ASPSCR1: variants seen among roughly 807,000 people sequenced by gnomAD.
ASPSCR1 encodes ASPSCR1 tether for SLC2A4, UBX domain containing.
In ASPSCR1, 55 loss-of-function variants were observed where a neutral mutation model predicts 68.9. The observed-to-expected ratio is 0.80, with a 90% CI of 0.64 to 1.00. The LOEUF is 1.00. Ranked by LOEUF, ASPSCR1 falls within the 50% of genes least tolerant of loss-of-function variation. The pLI, the probability that ASPSCR1 is intolerant of heterozygous loss-of-function variation, is 0.00. For synonymous variants in ASPSCR1, 352 were observed against 332.6 expected, an observed-to-expected ratio of 1.06 and a Z score of -0.63; for missense variants, 765 against 762.2, an observed-to-expected ratio of 1.00 and a Z score of -0.04.
chr17:81,979,532 G>A (rs1330101275), intron 2 of ASPSCR1, among the ~76,000 whole-genome samples: 3 of 152,134 alleles, frequency 2.0e-5, no homozygotes, highest in Non-Finnish European at 4.4e-5. Flanking sequence ...TGTGTCTCAG[G>A]AAGACCCTTG....
Position 81,987,024 on chromosome 17 carries a change from G to C in ASPSCR1, c.374+1417G>C, listed in dbSNP as rs972332862. 5.9e-5 allele frequency among the ~76,000 whole-genome samples: 9 copies of C among 152,180 alleles called. No individual in the cohort carries two copies. The highest frequency in any genetic ancestry group is 2.2e-4 in the African/African-American group (9 of 41,520). ...CAGACAACAGTGACGGAGCCTAAGA[G>C]CAAAGCCAAAGCCACGGGCAGGGGT... is the stretch of plus-strand genomic sequence containing the variant. On this transcript the variant is annotated intron_variant, in intron 4 of 15. Transcript: ENST00000306739. The surrounding 1 kb of genome is among the most constrained non-coding windows in gnomAD (Gnocchi z 5.6).
Position 81,983,459 on chromosome 17 carries a change from CGGGGCGTGGATGGT to C in ASPSCR1, c.159-91_159-78del, listed in dbSNP as rs1443178637. 2.2e-6 allele frequency: 2 copies of C among 912,992 alleles called. No homozygotes were observed. Among genetic ancestry groups the C allele is most frequent in the Non-Finnish European group, 3.2e-6 (2 of 629,470 alleles). 56.6% of individuals were successfully genotyped at this position (912,992 alleles called of 1,614,324 possible). On this transcript the variant is annotated intron_variant, in intron 2 of 15. Coordinates refer to ENST00000306739, the MANE Select transcript of ASPSCR1 (RefSeq NM_024083.4). The surrounding 1 kb of genome is among the most constrained non-coding windows in gnomAD (Gnocchi z 4.4). ...GACGTGGATGGCGGGGCGTGGATGG[CGGGGCGTGGATGGT>C]GGGACGGGGATGGCGGGGCGTGGAT...
Position 81,986,145 on chromosome 17 carries a change from G to A in ASPSCR1, c.374+538G>A, listed in dbSNP as rs970797117. ...AGTAATTGGATGGCTGGGCACAGTG[G>A]CTGGGCACAGTGGCTGGGCAAAGTG... On this transcript the variant is annotated intron_variant, in intron 4 of 15. Transcript: ENST00000306739. This position sits in a 1 kb window ranked among gnomAD's most constrained non-coding sequence, Gnocchi z 5.2. 2.6e-5 allele frequency among the ~76,000 whole-genome samples: 4 copies of A among 152,182 alleles called. No homozygotes were observed. The highest frequency in any genetic ancestry group is 5.9e-5 in the Non-Finnish European group (4 of 68,032).
At chr17:81,997,781 G>A (rs1170192706) in intron 7 of ASPSCR1, among the ~76,000 whole-genome samples, 3 of 150,752 alleles carry the variant, frequency 2.0e-5, no homozygotes, top group Non-Finnish European at 4.4e-5. Context: ...GAGCCACCGC[G>A]CCCAGCTCTT....
chr17:82,016,706 C>A lies in ASPSCR1; in HGVS notation c.1406-94C>A, dbSNP rs2043139541. The A allele has an allele frequency of 1.3e-5, 20 of 1,485,498 alleles. 1 individual carries two copies. In the South Asian group the frequency reaches 2.3e-4, roughly 17 times the overall value. The allele number at this position is 1,485,498 out of a possible 1,614,324, so 92.0% of individuals were successfully genotyped here. A position where few individuals can be genotyped will look rare whatever the true frequency, so the allele number is the denominator to read the frequency against. On this transcript the variant is annotated intron_variant, in intron 13 of 15. Coordinates refer to ENST00000306739, the MANE Select transcript of ASPSCR1 (RefSeq NM_024083.4). ...TGGGACAGCCACCTGCTGGCCACCC[C>A]CCTCCCAGAGCTGAGTGCTGGTGGG...
In ASPSCR1 at chr17:82,009,528, G is replaced by A. The variant is rs373997068; in HGVS notation, c.1131G>A (p.Arg377=). 1.3e-6 allele frequency: 2 copies of A among 1,587,544 alleles called. No homozygotes were observed. The highest frequency in any genetic ancestry group is 1.7e-6 in the Non-Finnish European group (2 of 1,167,164). ...EEAPLVTKAF[R]EAQIKEKLER... is the part of the protein sequence containing the mutation. ...CCCCCTTGGTGACCAAGGCCTTCAG[G>A]GAGGCGCAGATAAAGGAGAAGCTGG... Residue 377 remains arginine, a synonymous_variant, in exon 9 of 16, where the codon AGG becomes AGA. Transcript: ENST00000306739.
Position 81,983,672 on chromosome 17 carries a change from G to T in ASPSCR1, c.273+4G>T, listed in dbSNP as rs763150323. ...CCGTGAGGGGCCTGAGAACATGGTG[G>T]GTCGTGCTCTGGGGGAGGCTGACTG... is the stretch of plus-strand genomic sequence containing the variant. On this transcript the variant is annotated splice_donor_region_variant and intron_variant, in intron 3 of 15. Coordinates refer to ENST00000306739, the MANE Select transcript of ASPSCR1 (RefSeq NM_024083.4). This position sits in a 1 kb window ranked among gnomAD's most constrained non-coding sequence, Gnocchi z 4.4. 6.2e-7 allele frequency: 1 copy of T among 1,606,656 alleles called. No homozygotes were observed. Among genetic ancestry groups the T allele is most frequent in the South Asian group, 1.1e-5 (1 of 90,074 alleles).
chr17:82,015,143 G>A (rs745414533), intron 12 of ASPSCR1: 1 of 1,598,306 alleles, frequency 6.3e-7, no homozygotes, highest in South Asian at 1.1e-5. Flanking sequence ...TGGGACCAGA[G>A]CAGAGAACAC....
intron 7 of ASPSCR1, chr17:82,006,061 G>C (rs1287618823): frequency 1.3e-5 from 2 of 152,572 alleles, no homozygotes; most frequent in South Asian, 2.0e-4. Flanking sequence ...GCATGTCCTT[G>C]CGTGTGCGTG....
At chr17:81,979,712 A>G (rs977016201) in intron 2 of ASPSCR1, among the ~76,000 whole-genome samples, 17 of 152,214 alleles carry the variant, frequency 1.1e-4, no homozygotes, top group South Asian at 2.1e-4. Flanking sequence ...ATTGAGTTGC[A>G]TAAGTTCCCA....
In ASPSCR1 at chr17:81,986,952, C is replaced by T. The variant is rs1422585779; in HGVS notation, c.374+1345C>T. Among the ~76,000 whole-genome samples the T allele has an allele frequency of 6.6e-6, 1 of 152,222 alleles. No individual in the cohort carries two copies. Among genetic ancestry groups the T allele is most frequent in the Non-Finnish European group, 1.5e-5 (1 of 68,040 alleles). Reference sequence around the variant, plus strand: ...GGTGAATGGAGGCCCCTGGAGATGGCAGCGGGTTAAGCACGAGCACGGAAT... The same window carrying T: ...GGTGAATGGAGGCCCCTGGAGATGGTAGCGGGTTAAGCACGAGCACGGAAT... On this transcript the variant is annotated intron_variant, in intron 4 of 15. Coordinates refer to ENST00000306739, the MANE Select transcript of ASPSCR1 (RefSeq NM_024083.4). This position sits in a 1 kb window ranked among gnomAD's most constrained non-coding sequence, Gnocchi z 5.2.
chr17:81,991,782 C>T (rs1444745542), intron 4 of ASPSCR1, among the ~76,000 whole-genome samples: 2 of 152,254 alleles, frequency 1.3e-5, no homozygotes, highest in African/African-American at 4.8e-5. Context: ...GCCACAGCTT[C>T]TGTTCCCGGC....
chr17:82,016,508 G>A lies in ASPSCR1; in HGVS notation c.1386G>A (p.Leu462=). Residue 462 remains leucine, a synonymous_variant, in exon 13 of 16, where the codon TTG becomes TTA. Coordinates refer to ENST00000306739, the MANE Select transcript of ASPSCR1 (RefSeq NM_024083.4). The stretch of plus-strand genomic sequence containing the variant: ...TCTTCCCGGCCGCTCTGGTGCACTT[G>A]GGAGCCGAGGAGCCGGCAGGTGAGT... ...ANLFPAALVH[L]GAEEPAGVYL... is the part of the protein sequence containing the mutation. The A allele has an allele frequency of 6.5e-7, 1 of 1,549,276 alleles. No homozygotes were observed. Among genetic ancestry groups the A allele is most frequent in the Non-Finnish European group, 8.7e-7 (1 of 1,147,152 alleles).
intron 15 of ASPSCR1, 70 bp downstream of exon 15, chr17:82,017,183 G>T: frequency 1.3e-6 from 2 of 1,575,548 alleles, no homozygotes; most frequent in South Asian, 1.1e-5. Context: ...GCTGTGGCAG[G>T]GTCAGTGGGC....
At chr17:81,988,972 C>T (rs1425184332) in intron 4 of ASPSCR1, among the ~76,000 whole-genome samples, 1 of 152,180 alleles carries the variant, frequency 6.6e-6, no homozygotes, top group African/African-American at 2.4e-5. Flanking sequence ...CTTTGGGAGG[C>T]TGAGGCAGAT....
chr17:81,996,968 G>T (rs886247178), intron 7 of ASPSCR1, 122 bp downstream of exon 7: 31 of 1,500,648 alleles, frequency 2.1e-5, no homozygotes, highest in African/African-American at 9.8e-5. Flanking sequence ...ACCCAAACGC[G>T]CAGAGGAACC....
At position 82,011,610 on chromosome 17, in the gene ASPSCR1, G is replaced by GT. The variant is rs1567992477; in HGVS notation, c.1300+11dup. 4 of 1,602,118 alleles carry GT rather than the reference G, an allele frequency of 2.5e-6. No individual in the cohort carries two copies. Among genetic ancestry groups the GT allele is most frequent in the Non-Finnish European group, 8.5e-7 (1 of 1,175,828 alleles). ...CCGAGCTGTCATTTTACCTGTGTAC[G>GT]TTTTTTCTCCTGAGCCCACTCCTGC... On this transcript the variant is annotated splice_donor_region_variant and intron_variant, in intron 11 of 15. Transcript: ENST00000306739.
rs1268000919 is a variant in ASPSCR1, at chr17:81,977,789, G to C, written c.102+41G>C. On this transcript the variant is annotated intron_variant, in intron 1 of 15. Coordinates refer to ENST00000306739, the MANE Select transcript of ASPSCR1 (RefSeq NM_024083.4). The surrounding 1 kb of genome is among the most constrained non-coding windows in gnomAD (Gnocchi z 5.0). ...CGGGGCGGACGGGTAGGCGGGCGGG[G>C]GGCGCTGCGCCGAGGCCCCGCCCAT... is the stretch of plus-strand genomic sequence containing the variant. 1 of 1,203,792 alleles carries C rather than the reference G, an allele frequency of 8.3e-7. No homozygotes were observed. Among genetic ancestry groups the C allele is most frequent in the Non-Finnish European group, 1.0e-6 (1 of 968,124 alleles). 74.6% of individuals were successfully genotyped at this position (1,203,792 alleles called of 1,614,324 possible). A position where few individuals can be genotyped will look rare whatever the true frequency, so the allele number is the denominator to read the frequency against.
At chr17:82,015,570 G>A (rs2043095372) in intron 12 of ASPSCR1, 1 of 664,710 alleles carries the variant, frequency 1.5e-6, no homozygotes, top group South Asian at 2.0e-5. Flanking sequence ...GGCCTCTGAG[G>A]GAGCCCTCTC....
Sources: gnomAD v4.1 joint callset for allele counts (sites outside exome capture counted in the v4.1 genomes callset) on GRCh38, gnomAD v4.1.1 for gene constraint, Gnocchi (gnomAD v3.1) non-coding constraint, MANE v1.5 for transcripts, NCBI Gene and HGNC (gene_info 2026-07-23, HGNC 2026-07-21) for gene names.